ALS2CL: variants seen among roughly 807,000 people sequenced by gnomAD.
ALS2CL encodes ALS2 C-terminal like, also known as ALS2 C-terminal-like protein.
Under a neutral mutation model 127.9 loss-of-function variants are expected in ALS2CL, and 112 were observed. The ratio of observed to expected loss-of-function variants is 0.88; its 90% CI spans 0.75 to 1.02. The LOEUF (loss-of-function observed/expected upper bound fraction) is 1.02. Ranked by LOEUF, ALS2CL falls within the 50% of genes least tolerant of loss-of-function variation. ALS2CL has a pLI of 0.00. For missense variants in ALS2CL, 1,174 were observed against 1,236.7 expected, an observed-to-expected ratio of 0.95 and a Z score of 0.76; for synonymous variants, 519 against 527.6, an observed-to-expected ratio of 0.98 and a Z score of 0.22.
At chr3:46,676,588 C>A in intron 18 of ALS2CL, 54 bp downstream of exon 18, 1 of 1,590,904 alleles carries the variant, frequency 6.3e-7, no homozygotes, top group East Asian at 2.2e-5. Flanking sequence ...GAGCCCTTCC[C>A]CACCAGGGAC....
At position 46,674,625 on chromosome 3, in the gene ALS2CL, G is replaced by T; in HGVS notation, c.2370C>A (p.Gly790=). 1 of 1,614,152 alleles carries T rather than the reference G, an allele frequency of 6.2e-7. No homozygotes were observed. The highest frequency in any genetic ancestry group is 8.5e-7 in the Non-Finnish European group (1 of 1,180,012). The change falls in exon 21 of 26, where the codon GGC becomes GGA. Residue 790 remains glycine, a synonymous_variant. Transcript: ENST00000318962. ...HEREDSFYSQ[G]IANLSLFPDT... is the part of the protein sequence containing the mutation. ...CAGGAAAGAGGCTCAAGTTGGCAAT[G>T]CCCTGGCTGTAGAAGCTGTCCTCCC...
rs544486186 is a variant in ALS2CL at position 46,685,597 on chromosome 3, G to A, written c.714C>T (p.Asp238=). The change falls in exon 7 of 26, where the codon GAC becomes GAT. Residue 238 remains aspartate, a synonymous_variant. Coordinates refer to ENST00000318962, the MANE Select transcript of ALS2CL (RefSeq NM_147129.5). ...GCAACGGTGCGACCGTCACGGGTAC[G>A]TCCTGGCTGTCCTGAAGGAGTCTGT... ...PAHRLLQDSQ[D]VPVTVAPLRA... 61 of 1,614,012 alleles carry A rather than the reference G, an allele frequency of 3.8e-5. 1 individual carries two copies. Among genetic ancestry groups the A allele is most frequent in the South Asian group, 2.3e-4 (21 of 91,076 alleles).
intron 15 of ALS2CL, 93 bp downstream of exon 15, chr3:46,679,117 C>T (rs1699113309): frequency 1.5e-6 from 2 of 1,339,784 alleles, no homozygotes; most frequent in Non-Finnish European, 2.1e-6. Context: ...AGGCCCTCCC[C>T]TACCTGCCCC....
At chr3:46,677,259 T>C in intron 16 of ALS2CL, 6 of 1,364,858 alleles carry the variant, frequency 4.4e-6, no homozygotes, top group Non-Finnish European at 5.6e-6. Context: ...CAGAAGCATA[T>C]GGAATCCTGG....
At position 46,681,505 on chromosome 3, in the gene ALS2CL, G is replaced by A. The variant is rs752472051; in HGVS notation, c.1269C>T (p.Ile423=). 12 of 1,614,010 alleles carry A rather than the reference G, an allele frequency of 7.4e-6. No individual in the cohort carries two copies. In the South Asian group the frequency reaches 1.3e-4, roughly 18 times the overall value. Residue 423 remains isoleucine (I), a synonymous_variant, in exon 12 of 26, where the codon ATC becomes ATT. Coordinates refer to ENST00000318962, the MANE Select transcript of ALS2CL (RefSeq NM_147129.5). This position sits in a 1 kb window ranked among gnomAD's most constrained non-coding sequence, Gnocchi z 4.9. ...CCCCAGCCAGGGTCACTTACTCACAGATGCCGTAGCCACACATGCTGCCTT... is the reference window on the plus strand; with the variant it reads ...CCCCAGCCAGGGTCACTTACTCACAAATGCCGTAGCCACACATGCTGCCTT... ...WREGSMCGYG[I]CEYSTDEVYK...
In ALS2CL at chr3:46,686,990, A is replaced by T. The variant is rs145807890; in HGVS notation, c.527T>A (p.Ile176Asn). Residue 176 changes from isoleucine (I) to asparagine (N), a missense_variant, in exon 5 of 26, where the codon ATT becomes AAT. Coordinates refer to ENST00000318962, the MANE Select transcript of ALS2CL (RefSeq NM_147129.5). The surrounding 1 kb of genome is among the most constrained non-coding windows in gnomAD (Gnocchi z 4.3). ...VLLLLSLGDT[I>N]GEHHPTRELV... Reference sequence around the variant, plus strand: ...GCTGCCCCTGGTACCCACCTCCCCAATGGTGTCCCCGAGGCTCAGCAGGAG... The same window carrying T: ...GCTGCCCCTGGTACCCACCTCCCCATTGGTGTCCCCGAGGCTCAGCAGGAG... 2 of 1,594,464 alleles carry T rather than the reference A, an allele frequency of 1.3e-6. No homozygotes were observed. Among genetic ancestry groups the T allele is most frequent in the African/African-American group, 2.7e-5 (2 of 74,298 alleles).
chr3:46,681,884 G>GTACCAAA lies in ALS2CL; in HGVS notation c.1175+144_1175+145insTTTGGTA. 9.3e-7 allele frequency: 1 copy of GTACCAAA among 1,071,370 alleles called. No homozygotes were observed. 66.4% of individuals were successfully genotyped at this position (1,071,370 alleles called of 1,614,324 possible). A position where few individuals can be genotyped will look rare whatever the true frequency, so the allele number is the denominator to read the frequency against. ...GCCCCCGGTTCCCCTTTGGTACAGTGGGCGGGGGCTGGACCGGATTGTCTC... is the reference window on the plus strand; with the variant it reads ...GCCCCCGGTTCCCCTTTGGTACAGTGTACCAAAGGCGGGGGCTGGACCGGATTGTCTC... On this transcript the variant is annotated intron_variant, in intron 11 of 25. Coordinates refer to ENST00000318962, the MANE Select transcript of ALS2CL (RefSeq NM_147129.5). The surrounding 1 kb of genome is among the most constrained non-coding windows in gnomAD (Gnocchi z 4.9).
In ALS2CL at chr3:46,671,977, A is replaced by G. The variant is rs199951227; in HGVS notation, c.2591T>C (p.Ile864Thr). ...LEVLERTYGE[I>T]EGTVSRVLGR... ...CAATACCCTCGACACCGTGCCCTCA[A>G]TTTCCCCGTATGTCCTCTCCAGCAC... Residue 864 changes from isoleucine to threonine, a missense_variant, in exon 24 of 26, where the codon ATT (isoleucine) becomes ACT (threonine). Transcript: ENST00000318962. 19 of 1,613,758 alleles carry G rather than the reference A, an allele frequency of 1.2e-5. No individual in the cohort carries two copies. The East Asian group carries it at 4.0e-4, about 34-fold the overall frequency.
chr3:46,683,894 G>C, intron 8 of ALS2CL, 46 bp from the exon 9 acceptor site: 1 of 1,613,538 alleles, frequency 6.2e-7, no homozygotes, highest in African/African-American at 1.3e-5. Flanking sequence ...TGTCCAGGAG[G>C]GTGGAGGGGC....
In ALS2CL at chr3:46,678,401, G is replaced by A. The variant is rs777492704; in HGVS notation, c.1627-12C>T. On this transcript the variant is annotated splice_polypyrimidine_tract_variant and intron_variant, in intron 15 of 25. Coordinates refer to ENST00000318962, the MANE Select transcript of ALS2CL (RefSeq NM_147129.5). ...AAGGTGACCTTGCCCTGGGAGCCAG[G>A]AGAAGGAGCAGGGATGTCTGTCTGC... is the stretch of plus-strand genomic sequence containing the variant. The A allele has an allele frequency of 3.5e-5, 56 of 1,610,304 alleles. No individual in the cohort carries two copies. The highest frequency in any genetic ancestry group is 4.7e-5 in the Non-Finnish European group (55 of 1,178,052).
At chr3:46,678,443 C>A in intron 15 of ALS2CL, 54 bp from the exon 16 acceptor site, 2 of 1,572,490 alleles carry the variant, frequency 1.3e-6, no homozygotes, top group Non-Finnish European at 1.7e-6. Context: ...ACCCTTCCAG[C>A]CAATCATGAC....
In ALS2CL at chr3:46,681,092, G is replaced by A; in HGVS notation, c.1436+154C>T. 8.0e-7 allele frequency: 1 copy of A among 1,253,668 alleles called. No individual in the cohort carries two copies. The highest frequency in any genetic ancestry group is 1.5e-5 in the African/African-American group (1 of 67,898). The allele number at this position is 1,253,668 out of a possible 1,614,324, so 77.7% of individuals were successfully genotyped here. ...AGCGTGACCAAGATTCGCTCAGCCT[G>A]AGCCTCCGCAGCAACCGAGGGACTG... On this transcript the variant is annotated intron_variant, in intron 13 of 25. Transcript: ENST00000318962. The surrounding 1 kb of genome is among the most constrained non-coding windows in gnomAD (Gnocchi z 4.9).
rs755121542 is a variant in ALS2CL at position 46,674,739 on chromosome 3, C to G, written c.2256G>C (p.Arg752Ser). The change falls in exon 21 of 26, where the codon AGG becomes AGC. Residue 752 changes from arginine (R) to serine (S), a missense_variant and splice_region_variant. Transcript: ENST00000318962. ...GCACCAATCCATGCACCTGGAGGTC[C>G]CTGATGGGGAGACCGGAACAGGTTG... The part of the protein sequence containing the change: ...ALEEDEDTET[R>S]DLQVHGLVLP... 1.9e-6 allele frequency: 3 copies of G among 1,605,344 alleles called. No individual in the cohort carries two copies. The highest frequency in any genetic ancestry group is 2.6e-6 in the Non-Finnish European group (3 of 1,175,756).
rs867462396 is a variant in ALS2CL at position 46,693,667 on chromosome 3, C to G, written c.-50G>C. 13 of 152,300 alleles carry G rather than the reference C, an allele frequency of 8.5e-5. No homozygotes were observed. Among genetic ancestry groups the G allele is most frequent in the African/African-American group, 2.9e-4 (12 of 41,444 alleles). 9.4% of individuals were successfully genotyped at this position (152,300 alleles called of 1,614,324 possible). On this transcript the variant is annotated 5_prime_UTR_variant, in exon 1 of 26. Transcript: ENST00000318962. ...CCTGAGCGCTGTGGTTGCCCCGCGC[C>G]GGGACTGCCTGTGCGGCTCCTCGCT...
intron 20 of ALS2CL, chr3:46,675,399 G>A (rs923816384): frequency 1.8e-6 from 1 of 555,328 alleles, no homozygotes; most frequent in South Asian, 2.4e-5. Context: ...GAACAAAGAT[G>A]CATTCAATGC....
chr3:46,671,737 AC>A (rs976786087), intron 24 of ALS2CL, 146 bp downstream of exon 24: 108 of 1,524,646 alleles, frequency 7.1e-5, no homozygotes, highest in Non-Finnish European at 8.8e-5. Context: ...CCTGGCTGGG[AC>A]CCTCCCTTTT....
chr3:46,674,617 T>G lies in ALS2CL; in HGVS notation c.2378A>C (p.Asn793Thr). The change falls in exon 21 of 26, where the codon AAC becomes ACC. Residue 793 changes from asparagine (N) to threonine (T), a missense_variant. Transcript: ENST00000318962. ...TTGGGTATCAGGAAAGAGGCTCAAG[T>G]TGGCAATGCCCTGGCTGTAGAAGCT... ...EDSFYSQGIA[N>T]LSLFPDTQLL... is the part of the protein sequence containing the mutation. 6.2e-7 allele frequency: 1 copy of G among 1,614,118 alleles called. No individual in the cohort carries two copies. Among genetic ancestry groups the G allele is most frequent in the Non-Finnish European group, 8.5e-7 (1 of 1,180,008 alleles).
At chr3:46,678,229 G>A in intron 16 of ALS2CL, 30 bp downstream of exon 16, 1 of 1,532,920 alleles carries the variant, frequency 6.5e-7, no homozygotes, top group Non-Finnish European at 8.8e-7. Context: ...TCCCCAGATA[G>A]GCCCAGAGCC....
intron 19 of ALS2CL, chr3:46,675,943 G>A: frequency 7.0e-7 from 1 of 1,425,602 alleles, no homozygotes; most frequent in South Asian, 1.5e-5. Flanking sequence ...GCCTGGGACT[G>A]CAGGTGTGTT....
Sources: allele counts gnomAD v4.1 joint callset, GRCh38; gene constraint gnomAD v4.1.1; non-coding constraint Gnocchi (gnomAD v3.1); transcripts MANE v1.5; gene names NCBI Gene and HGNC (gene_info 2026-07-23, HGNC 2026-07-21).